Variants in PLEKHG1 observed in about 807,000 individuals in gnomAD.
The protein encoded by PLEKHG1 is pleckstrin homology domain-containing family G member 1.
In PLEKHG1, 44 loss-of-function variants were observed where a neutral mutation model predicts 100.8. The ratio of observed to expected loss-of-function variants is 0.44; its 90% CI spans 0.34 to 0.56. PLEKHG1 has a LOEUF of 0.56. Among genes scored for constraint, PLEKHG1 ranks in the 20% least tolerant of loss-of-function variants. The pLI is 0.01. For synonymous variants in PLEKHG1, 640 were observed against 662.5 expected (o/e 0.97, Z 0.52); for missense variants, 1,545 against 1,720.9 (o/e 0.90, Z 1.81).
intron 1 of PLEKHG1, among the ~76,000 whole-genome samples, chr6:150,729,042 T>G (rs1258694932): frequency 6.6e-6 from 1 of 152,266 alleles, no homozygotes; most frequent in Non-Finnish European, 1.5e-5. Context: ...ACTAAGTTAC[T>G]GAAATCTGGT....
chr6:150,742,661 C>T (rs921500706), intron 2 of PLEKHG1, among the ~76,000 whole-genome samples: 1 of 152,028 alleles, frequency 6.6e-6, no homozygotes, highest in African/African-American at 2.4e-5. Flanking sequence ...GAGAAATCCG[C>T]CCCCATGATC....
intron 14 of PLEKHG1, among the ~76,000 whole-genome samples, chr6:150,826,559 C>T (rs550587549): frequency 1.3e-5 from 2 of 152,214 alleles, no homozygotes; most frequent in East Asian, 1.9e-4. Flanking sequence ...GCAAAACTGC[C>T]GTATCGAAAT....
At chr6:150,630,682 C>A (rs938483571) in intron 1 of PLEKHG1, among the ~76,000 whole-genome samples, 1 of 152,064 alleles carries the variant, frequency 6.6e-6, no homozygotes, top group African/African-American at 2.4e-5. Context: ...GAACCTGGTG[C>A]TCAGGAGAGG....
At position 150,804,737 on chromosome 6, in the gene PLEKHG1, T is replaced by G; in HGVS notation, c.908T>G (p.Leu303Ter). 1 of 1,612,578 alleles carries G rather than the reference T, an allele frequency of 6.2e-7. No homozygotes were observed. The highest frequency in any genetic ancestry group is 8.5e-7 in the Non-Finnish European group (1 of 1,179,532). ...CGGAAACACGAGCACGCGGTCCGGT[T>G]ACAGGTGAGCCCGCGAGGTGTCGGT... Residue 303 changes from leucine (L) to a stop codon, truncating the protein, a stop_gained, in exon 7 of 16, where the codon TTA becomes TGA. Coordinates refer to ENST00000358517, the Ensembl canonical transcript of PLEKHG1. LOFTEE classifies it high-confidence loss of function.
At chr6:150,722,972 T>G (rs1198793869) in intron 1 of PLEKHG1, among the ~76,000 whole-genome samples, 1 of 152,172 alleles carries the variant, frequency 6.6e-6, no homozygotes, top group Non-Finnish European at 1.5e-5. Flanking sequence ...AAATAGAGAT[T>G]TTTTTAGCCT....
At chr6:150,792,671 C>T (rs1786063818) in intron 4 of PLEKHG1, among the ~76,000 whole-genome samples, 1 of 143,198 alleles carries the variant, frequency 7.0e-6, no homozygotes, top group Non-Finnish European at 1.6e-5. Flanking sequence ...AAGACTCCAT[C>T]TCAAAACAAC....
At chr6:150,623,306 C>G (rs1315678384) in intron 1 of PLEKHG1, among the ~76,000 whole-genome samples, 1 of 152,176 alleles carries the variant, frequency 6.6e-6, no homozygotes, top group Non-Finnish European at 1.5e-5. Flanking sequence ...AAACACTTGA[C>G]CTGGTTTTGT....
chr6:150,793,555 T>TC (rs1307083057), intron 4 of PLEKHG1, among the ~76,000 whole-genome samples: 1 of 152,216 alleles, frequency 6.6e-6, no homozygotes, highest in Non-Finnish European at 1.5e-5. Context: ...ACCACCATTT[T>TC]CCAACTCCTA....
At chr6:150,622,545 C>A (rs959104816) in intron 1 of PLEKHG1, among the ~76,000 whole-genome samples, 1 of 152,066 alleles carries the variant, frequency 6.6e-6, no homozygotes, top group Non-Finnish European at 1.5e-5. Flanking sequence ...TGGGATGAAC[C>A]CCAGAGCCCA....
chr6:150,605,956 T>G (rs1409782673), intron 1 of PLEKHG1: 1 of 152,246 alleles, frequency 6.6e-6, no homozygotes, highest in East Asian at 1.9e-4. Context: ...AGTGTTACTC[T>G]TTGATTGCAT....
At chr6:150,724,016 A>T (rs916365592) in intron 1 of PLEKHG1, among the ~76,000 whole-genome samples, 1 of 152,164 alleles carries the variant, frequency 6.6e-6, no homozygotes, top group Non-Finnish European at 1.5e-5. Flanking sequence ...CGGTCTCATC[A>T]TGTGGTTTCT....
intron 2 of PLEKHG1, among the ~76,000 whole-genome samples, chr6:150,761,281 T>A (rs998528448): frequency 3.4e-4 from 51 of 151,714 alleles, no homozygotes; most frequent in African/African-American, 1.2e-3. Context: ...AATTTTTGTA[T>A]GTTTAGTAGA....
chr6:150,603,099 A>AAAAAAAAAAAC (rs1562376037), intron 1 of PLEKHG1, among the ~76,000 whole-genome samples: 1 of 148,242 alleles, frequency 6.7e-6, no homozygotes, highest in African/African-American at 2.4e-5. Flanking sequence ...AAAAATAAAA[A>AAAAAAAAAAAC]AAAAGAAAAG....
intron 10 of PLEKHG1, among the ~76,000 whole-genome samples, chr6:150,816,365 A>T (rs1775958817): frequency 1.9e-5 from 1 of 53,246 alleles, no homozygotes; most frequent in African/African-American, 5.9e-5. Context: ...TTTGAGATGG[A>T]GTCTCATTCT....
chr6:150,730,897 G>A (rs1782214329), intron 1 of PLEKHG1, among the ~76,000 whole-genome samples: 1 of 138,078 alleles, frequency 7.2e-6, no homozygotes, highest in African/African-American at 3.1e-5. Flanking sequence ...AGCAAACTCT[G>A]TCTCAAAAAA....
chr6:150,728,926 G>T (rs1226080121), intron 1 of PLEKHG1, among the ~76,000 whole-genome samples: 2 of 152,114 alleles, frequency 1.3e-5, no homozygotes, highest in African/African-American at 4.8e-5. Context: ...AATGAAACCA[G>T]TGAAAATAAT....
At chr6:150,821,857 T>C (rs943885562) in intron 13 of PLEKHG1, among the ~76,000 whole-genome samples, 3 of 151,432 alleles carry the variant, frequency 2.0e-5, no homozygotes, top group Non-Finnish European at 2.9e-5. Context: ...TTTTTATTTT[T>C]TGAGACAGAG....
At chr6:150,750,577 G>A (rs1200768932) in intron 2 of PLEKHG1, among the ~76,000 whole-genome samples, 1 of 151,792 alleles carries the variant, frequency 6.6e-6, no homozygotes, top group Non-Finnish European at 1.5e-5. Flanking sequence ...TCAGGAGATC[G>A]AGACCATCCC....
upstream of PLEKHG1, among the ~76,000 whole-genome samples, chr6:150,717,946 T>G (rs1304291858): frequency 6.6e-6 from 1 of 152,026 alleles, no homozygotes; most frequent in East Asian, 1.9e-4. Context: ...GGTGTGGTGG[T>G]GCACACCTGT....
Sources: gnomAD v4.1 joint callset for allele counts (sites outside exome capture counted in the v4.1 genomes callset) on GRCh38, gnomAD v4.1.1 for gene constraint, MANE v1.5 for transcripts, NCBI Gene and HGNC (gene_info 2026-07-23, HGNC 2026-07-21) for gene names.